RBFOX1: variants seen among roughly 807,000 people sequenced by gnomAD.
RBFOX1 encodes the protein RNA binding protein fox-1 homolog 1.
A neutral mutation model predicts 57.7 loss-of-function variants in RBFOX1; 8 were observed. The ratio of observed to expected loss-of-function variants is 0.14; its 90% CI spans 0.08 to 0.25. RBFOX1 has a LOEUF of 0.25. Ranked by LOEUF, RBFOX1 falls within the 10% of genes least tolerant of loss-of-function variation. The probability of loss-of-function intolerance (pLI) is 1.00; values close to 1 mark genes in which losing one functional copy is unlikely to be tolerated. For missense variants in RBFOX1, 611 were observed against 548.5 expected (o/e 1.11, Z -1.14); for synonymous variants, 326 against 222.4 (o/e 1.47, Z -4.15).
At chr16:6,606,965 T>C (rs2097940608) in intron 2 of RBFOX1, among the ~76,000 whole-genome samples, 2 of 152,232 alleles carry the variant, frequency 1.3e-5, no homozygotes, top group Admixed American at 1.3e-4. Context: ...CAAATTTACA[T>C]TCCCACTAAC....
intron 1 of RBFOX1, among the ~76,000 whole-genome samples, chr16:5,296,797 G>A (rs543322783): frequency 6.6e-6 from 1 of 151,570 alleles, no homozygotes; most frequent in Admixed American, 6.6e-5. Context: ...TCCTGTCTCA[G>A]CCTCCTTAGT....
At chr16:6,892,918 A>C (rs2065872976) in intron 3 of RBFOX1, among the ~76,000 whole-genome samples, 1 of 151,040 alleles carries the variant, frequency 6.6e-6, no homozygotes, top group African/African-American at 2.4e-5. Context: ...TTTGCTCCTC[A>C]GCTATTCTTG....
At chr16:7,504,911 A>G (rs1458941176) in intron 4 of RBFOX1, among the ~76,000 whole-genome samples, 2 of 147,956 alleles carry the variant, frequency 1.4e-5, no homozygotes, top group African/African-American at 5.1e-5. Flanking sequence ...ATAATACGGC[A>G]TTTGAAGCAA....
At chr16:5,707,243 G>C (rs572489349) in intron 3 of RBFOX1, among the ~76,000 whole-genome samples, 15 of 152,308 alleles carry the variant, frequency 9.8e-5, no homozygotes, top group African/African-American at 3.4e-4. Flanking sequence ...AACAGAAAGA[G>C]GAAATGTGTG....
At chr16:6,362,416 A>G (rs1279539710) in intron 2 of RBFOX1, among the ~76,000 whole-genome samples, 1 of 152,148 alleles carries the variant, frequency 6.6e-6, no homozygotes, top group Non-Finnish European at 1.5e-5. Flanking sequence ...ATGTACATAA[A>G]TAATACATGG....
chr16:6,763,884 G>T (rs2076970818), intron 3 of RBFOX1, among the ~76,000 whole-genome samples: 1 of 152,276 alleles, frequency 6.6e-6, no homozygotes, highest in African/African-American at 2.4e-5. Flanking sequence ...TGAAGTGCTT[G>T]CTTATGTTCA....
intron 1 of RBFOX1, among the ~76,000 whole-genome samples, chr16:6,273,280 A>T (rs114007886): frequency 0.025 from 3,817 of 151,250 alleles, 110 homozygotes; most frequent in African/African-American, 0.069. Flanking sequence ...AAACAAACCA[A>T]AGCAAAGAAA....
chr16:7,659,255 G>C (rs2067094611), intron 12 of RBFOX1, among the ~76,000 whole-genome samples: 1 of 152,176 alleles, frequency 6.6e-6, no homozygotes, highest in Admixed American at 6.5e-5. Flanking sequence ...CTGGTCAGTG[G>C]AAGAACAAAT....
intron 1 of RBFOX1, among the ~76,000 whole-genome samples, chr16:5,362,519 C>T (rs139273070): frequency 6.6e-5 from 10 of 152,320 alleles, no homozygotes; most frequent in African/African-American, 2.4e-4. Context: ...TGCGCCAACA[C>T]GCTTGGCTAA....
intron 4 of RBFOX1, among the ~76,000 whole-genome samples, chr16:7,428,136 G>A (rs1243899011): frequency 2.0e-5 from 3 of 152,036 alleles, no homozygotes; most frequent in Non-Finnish European, 4.4e-5. Context: ...CTTATATGCT[G>A]TTATGTGATG....
intron 3 of RBFOX1, among the ~76,000 whole-genome samples, chr16:6,859,315 A>G (rs527985952): frequency 6.0e-5 from 9 of 151,026 alleles, no homozygotes; most frequent in Middle Eastern, 3.5e-3. Context: ...GATAATATCT[A>G]TTATATTTTT....
chr16:6,036,805 C>G (rs2095371139), intron 1 of RBFOX1, among the ~76,000 whole-genome samples: 1 of 152,166 alleles, frequency 6.6e-6, no homozygotes, highest in African/African-American at 2.4e-5. Context: ...ACATTTTTAT[C>G]TGGGCAGAAG....
intron 2 of RBFOX1, among the ~76,000 whole-genome samples, chr16:6,387,599 G>T (rs1236634951): frequency 6.6e-6 from 1 of 152,152 alleles, no homozygotes; most frequent in African/African-American, 2.4e-5. Flanking sequence ...CCAGCTCAAG[G>T]TTATGTGAAA....
At chr16:7,120,832 C>CACACACACACACACACACACACACACAT (rs2066984329) in intron 4 of RBFOX1, among the ~76,000 whole-genome samples, 1 of 24,866 alleles carries the variant, frequency 4.0e-5, no homozygotes, top group Non-Finnish European at 1.4e-4. Context: ...TGTATATATA[C>CACACACACACACACACACACACACACAT]ACACACACAC....
intron 11 of RBFOX1, among the ~76,000 whole-genome samples, chr16:7,645,081 C>T (rs771983038): frequency 1.3e-5 from 2 of 152,172 alleles, no homozygotes; most frequent in African/African-American, 4.8e-5. Context: ...CAGGCCAGCA[C>T]GTTGTCACCA....
intron 2 of RBFOX1, among the ~76,000 whole-genome samples, chr16:6,471,106 G>A (rs2095164181): frequency 6.6e-6 from 1 of 152,044 alleles, no homozygotes; most frequent in Admixed American, 6.5e-5. Flanking sequence ...TCTTACCTGT[G>A]CCCCCTTTCC....
At chr16:6,366,085 A>ACGTG (rs1307236635) in intron 2 of RBFOX1, among the ~76,000 whole-genome samples, 6,102 of 144,380 alleles carry the variant, frequency 0.042, 445 homozygotes, top group African/African-American at 0.14. Context: ...TGGCCATTCT[A>ACGTG]TGTGTGTGTG....
At chr16:7,628,321 T>C (rs1183537909) in intron 10 of RBFOX1, among the ~76,000 whole-genome samples, 1 of 152,208 alleles carries the variant, frequency 6.6e-6, no homozygotes, top group African/African-American at 2.4e-5. Context: ...GATAACTCTC[T>C]GTATATCCTA....
At chr16:6,667,657 G>C (rs1199342328) in intron 3 of RBFOX1, among the ~76,000 whole-genome samples, 1 of 152,050 alleles carries the variant, frequency 6.6e-6, no homozygotes, top group African/African-American at 2.4e-5. Flanking sequence ...CAAGTGGGAG[G>C]ATTACTTGAG....
Sources: allele counts gnomAD v4.1 joint callset (sites outside exome capture counted in the v4.1 genomes callset), GRCh38; gene constraint gnomAD v4.1.1; transcripts MANE v1.5; gene names NCBI Gene and HGNC (gene_info 2026-07-23, HGNC 2026-07-21).